TNFSF4: variants seen among roughly 807,000 people sequenced by gnomAD.
The protein encoded by TNFSF4 is tumor necrosis factor ligand superfamily member 4.
In TNFSF4, 4 loss-of-function variants were observed where a neutral mutation model predicts 7.3. That is an observed-to-expected ratio of 0.55 (90% CI 0.27 to 1.25). The LOEUF is 1.25. TNFSF4 is among the 50% of genes most tolerant of loss of function. The pLI, the probability that TNFSF4 is intolerant of heterozygous loss-of-function variation, is 0.12. For synonymous variants in TNFSF4, 76 were observed against 83.7 expected, an observed-to-expected ratio of 0.91 and a Z score of 0.50; for missense variants, 181 against 208.8, an observed-to-expected ratio of 0.87 and a Z score of 0.82.
At chr1:173,420,573 C>G in the TNFSF4 span, among the ~76,000 whole-genome samples, 1 of 152,148 alleles carries the variant, frequency 6.6e-6, no homozygotes, top group Non-Finnish European at 1.5e-5. Context: ...AGACCCTACC[C>G]TCCGGTTTTA....
At chr1:173,411,737 G>C in the TNFSF4 span, among the ~76,000 whole-genome samples, 1 of 152,102 alleles carries the variant, frequency 6.6e-6, no homozygotes, top group African/African-American at 2.4e-5. Flanking sequence ...AGGAGGCAGA[G>C]GTTGCAGTGA....
chr1:173,405,047 A>C, the TNFSF4 span, among the ~76,000 whole-genome samples: 1 of 152,140 alleles, frequency 6.6e-6, no homozygotes, highest in African/African-American at 2.4e-5. Flanking sequence ...GCTATATATA[A>C]TTTACTTATG....
the TNFSF4 span, among the ~76,000 whole-genome samples, chr1:173,297,634 C>T: frequency 6.6e-5 from 10 of 151,844 alleles, 1 homozygote; most frequent in Admixed American, 6.6e-4. Context: ...ATATCTGGCC[C>T]ATGAGAGGAG....
chr1:173,322,565 G>A, the TNFSF4 span, among the ~76,000 whole-genome samples: 2 of 152,158 alleles, frequency 1.3e-5, no homozygotes, highest in African/African-American at 4.8e-5. Context: ...AGCACACTGT[G>A]CATGAGCTGA....
At chr1:173,403,350 G>A in the TNFSF4 span, among the ~76,000 whole-genome samples, 15 of 152,264 alleles carry the variant, frequency 9.9e-5, no homozygotes, top group Non-Finnish European at 1.6e-4. Context: ...AGACCATCAA[G>A]GCCCAAACAC....
intron 1 of TNFSF4, among the ~76,000 whole-genome samples, chr1:173,196,926 T>C (rs1417083287): frequency 6.6e-6 from 1 of 152,198 alleles, no homozygotes; most frequent in Non-Finnish European, 1.5e-5. Context: ...TCTAAGCTAC[T>C]GGAAGGGTAG....
chr1:173,448,305 A>T, the TNFSF4 span, among the ~76,000 whole-genome samples: 1 of 152,144 alleles, frequency 6.6e-6, no homozygotes, highest in East Asian at 1.9e-4. Flanking sequence ...CAAAGGTAGA[A>T]AACTTTTTTT....
chr1:173,331,301 T>C, the TNFSF4 span, among the ~76,000 whole-genome samples: 1 of 152,248 alleles, frequency 6.6e-6, no homozygotes, highest in Non-Finnish European at 1.5e-5. Flanking sequence ...TAACAATTAC[T>C]GCAAACTTCT....
the TNFSF4 span, among the ~76,000 whole-genome samples, chr1:173,233,671 T>C: frequency 6.6e-6 from 1 of 152,342 alleles, no homozygotes; most frequent in Non-Finnish European, 1.5e-5. Context: ...TCACATAAGT[T>C]GCAACTTTAT....
the TNFSF4 span, among the ~76,000 whole-genome samples, chr1:173,359,139 T>A: frequency 6.6e-6 from 1 of 152,220 alleles, no homozygotes; most frequent in Non-Finnish European, 1.5e-5. Flanking sequence ...TGTTATGTCA[T>A]ACGTAATAAT....
At chr1:173,252,685 G>A in the TNFSF4 span, among the ~76,000 whole-genome samples, 1 of 152,148 alleles carries the variant, frequency 6.6e-6, no homozygotes, top group Non-Finnish European at 1.5e-5. Flanking sequence ...TCATAACTGT[G>A]AAGAACCCAT....
chr1:173,361,027 A>C, the TNFSF4 span, among the ~76,000 whole-genome samples: 2 of 152,226 alleles, frequency 1.3e-5, no homozygotes, highest in African/African-American at 4.8e-5. Context: ...AGAGAGATGA[A>C]GAAAATCATG....
At chr1:173,302,829 T>C in the TNFSF4 span, among the ~76,000 whole-genome samples, 2 of 151,848 alleles carry the variant, frequency 1.3e-5, no homozygotes, top group South Asian at 2.1e-4. Context: ...TGAGGAATAA[T>C]TTAATAACAA....
the TNFSF4 span, among the ~76,000 whole-genome samples, chr1:173,434,728 T>G: frequency 6.6e-6 from 1 of 152,216 alleles, no homozygotes; most frequent in Non-Finnish European, 1.5e-5. Flanking sequence ...GGAACCATAA[T>G]ACCATCTGGG....
the TNFSF4 span, among the ~76,000 whole-genome samples, chr1:173,312,800 A>G: frequency 6.6e-6 from 1 of 152,142 alleles, no homozygotes; most frequent in Non-Finnish European, 1.5e-5. Context: ...ACACATGCTC[A>G]CAGGGCCCCC....
At chr1:173,447,748 C>T in the TNFSF4 span, among the ~76,000 whole-genome samples, 99 of 152,098 alleles carry the variant, frequency 6.5e-4, no homozygotes, top group African/African-American at 2.3e-3. Flanking sequence ...GAGGAGACAA[C>T]TAGAAAATCA....
the TNFSF4 span, among the ~76,000 whole-genome samples, chr1:173,356,728 A>G: frequency 1.3e-5 from 2 of 152,190 alleles, no homozygotes; most frequent in South Asian, 2.1e-4. Flanking sequence ...CTGGTTGCCA[A>G]TTGCCTTTGA....
the TNFSF4 span, among the ~76,000 whole-genome samples, chr1:173,391,435 CAAAAAAAAAAA>C: frequency 1.8e-5 from 2 of 108,824 alleles, no homozygotes; most frequent in East Asian, 2.4e-4. Flanking sequence ...CCTTAGAAAG[CAAAAAAAAAAA>C]AAAAAAAAAA....
Position 173,183,861 on chromosome 1 carries a change from A to T in TNFSF4, c.*2655T>A, listed in dbSNP as rs1056683644. ...TAAATACAAAATTATGACTTAAAAT[A>T]GGGGACCTGCCCAGTATACTTAAGA... On this transcript the variant is annotated 3_prime_UTR_variant, in exon 3 of 3. Coordinates refer to ENST00000281834, the MANE Select transcript of TNFSF4 (RefSeq NM_003326.5). The T allele has an allele frequency of 1.3e-5, 2 of 152,230 alleles. No homozygotes were observed. The highest frequency in any genetic ancestry group is 1.3e-4 in the Admixed American group (2 of 15,278). The allele number at this position is 152,230 out of a possible 1,614,324, so 9.4% of individuals were successfully genotyped here.
Sources: allele counts gnomAD v4.1 joint callset (sites outside exome capture counted in the v4.1 genomes callset), GRCh38; gene constraint gnomAD v4.1.1; transcripts MANE v1.5; gene names NCBI Gene and HGNC (gene_info 2026-07-23, HGNC 2026-07-21).